TRMT11: variants seen among roughly 807,000 people sequenced by gnomAD.
The protein encoded by TRMT11 is tRNA methyltransferase 11.
A neutral mutation model predicts 62.8 loss-of-function variants in TRMT11; 53 were observed. The ratio of observed to expected loss-of-function variants is 0.84; its 90% confidence interval spans 0.68 to 1.06. The LOEUF is 1.06. TRMT11 is among the 50% of genes least tolerant of loss of function. The probability of loss-of-function intolerance (pLI) is 0.00; values close to 1 mark genes in which losing one functional copy is unlikely to be tolerated. For missense variants in TRMT11, 556 were observed against 553.4 expected (o/e 1.00, Z -0.05); for synonymous variants, 188 against 190.3 (o/e 0.99, Z 0.10).
At chr6:126,101,394 A>G (rs1436917453) in intron 17 of TRMT11, among the ~76,000 whole-genome samples, 1 of 152,256 alleles carries the variant, frequency 6.6e-6, no homozygotes, top group African/African-American at 2.4e-5. Flanking sequence ...AAGACTATAT[A>G]TGTTACTTCA....
the TRMT11 span, among the ~76,000 whole-genome samples, chr6:126,269,670 G>C: frequency 6.6e-6 from 1 of 152,104 alleles, no homozygotes; most frequent in Admixed American, 6.5e-5. Flanking sequence ...ACAGGAAATT[G>C]GTTGAAAAAC....
the TRMT11 span, among the ~76,000 whole-genome samples, chr6:126,263,138 G>C: frequency 4.8e-4 from 73 of 152,024 alleles, no homozygotes; most frequent in South Asian, 9.6e-3. Flanking sequence ...ATTATGTTCA[G>C]CTCAGTTGCC....
At chr6:126,037,398 G>C (rs1234372286) in intron 12 of TRMT11, among the ~76,000 whole-genome samples, 1 of 151,782 alleles carries the variant, frequency 6.6e-6, no homozygotes, top group African/African-American at 2.4e-5. Context: ...CCTTTCATTT[G>C]GTATCTTTAG....
At chr6:126,149,718 G>A (rs1034789277) in intron 21 of TRMT11, among the ~76,000 whole-genome samples, 1 of 143,492 alleles carries the variant, frequency 7.0e-6, no homozygotes, top group South Asian at 2.2e-4. Context: ...TTTGAAGAGG[G>A]TATTGATTGC....
intron 7 of TRMT11, among the ~76,000 whole-genome samples, chr6:126,008,071 CA>C (rs1220987209): frequency 2.6e-5 from 4 of 151,692 alleles, no homozygotes; most frequent in Non-Finnish European, 5.9e-5. Context: ...AAGAAAGGAG[CA>C]AAATGTTTTT....
intron 17 of TRMT11, among the ~76,000 whole-genome samples, chr6:126,068,189 A>G (rs987469815): frequency 3.9e-5 from 6 of 152,186 alleles, no homozygotes; most frequent in African/African-American, 1.4e-4. Context: ...AGTTTTTAAA[A>G]AATATTCTGC....
At chr6:126,267,436 A>T in the TRMT11 span, among the ~76,000 whole-genome samples, 1 of 152,138 alleles carries the variant, frequency 6.6e-6, no homozygotes, top group African/African-American at 2.4e-5. Context: ...CTTCTAGTCA[A>T]TCTCTCATAG....
At chr6:126,043,190 C>T (rs868708306), downstream of TRMT11, among the ~76,000 whole-genome samples, 1 of 136,260 alleles carries the variant, frequency 7.3e-6, no homozygotes, top group African/African-American at 2.7e-5. Context: ...TCTCCTAATG[C>T]TATCCCTCCC....
intron 17 of TRMT11, among the ~76,000 whole-genome samples, chr6:126,053,883 G>A (rs1459993736): frequency 2.6e-5 from 4 of 152,200 alleles, no homozygotes; most frequent in African/African-American, 9.7e-5. Flanking sequence ...AGAAGTGGAA[G>A]TTGCGTGATC....
rs185450567 is a variant in TRMT11 at position 126,130,474 on chromosome 6, G to A, written c.*1823+14619G>A. 1.6e-4 allele frequency among the ~76,000 whole-genome samples: 24 copies of A among 152,196 alleles called. 1 individual carries two copies. The highest frequency in any genetic ancestry group is 1.2e-3 in the Admixed American group (19 of 15,262). ...TGCCAGCAGGCTGCCCAGCCAGAAC[G>A]GGAAGTCAGAATGTTCTTCTGCCTG... On this transcript the variant is annotated intron_variant and NMD_transcript_variant, in intron 21 of 22. Transcript: ENST00000648977.
intron 17 of TRMT11, among the ~76,000 whole-genome samples, chr6:126,083,256 T>G (rs1194217378): frequency 6.6e-6 from 1 of 152,122 alleles, no homozygotes; most frequent in Non-Finnish European, 1.5e-5. Context: ...CATCATTGAG[T>G]TTACCAACAG....
intron 21 of TRMT11, among the ~76,000 whole-genome samples, chr6:126,116,700 G>A (rs1473979939): frequency 6.6e-6 from 1 of 152,068 alleles, no homozygotes; most frequent in Non-Finnish European, 1.5e-5. Flanking sequence ...TTGGTCAGTA[G>A]TATTTTAACT....
chr6:126,020,155 T>C lies in TRMT11; in HGVS notation c.1140-1005T>C, dbSNP rs1199535963. On this transcript the variant is annotated intron_variant, in intron 11 of 12. Transcript: ENST00000334379. ...GATGCATTAAAACAGGTAGCTGAGA[T>C]TGTGGTCCTTTACATGAAAAACTAA... 3.3e-5 allele frequency among the ~76,000 whole-genome samples: 5 copies of C among 152,254 alleles called. No homozygotes were observed. In the East Asian group the frequency reaches 9.6e-4, roughly 29 times the overall value.
At chr6:126,227,564 C>G in the TRMT11 span, among the ~76,000 whole-genome samples, 1 of 152,184 alleles carries the variant, frequency 6.6e-6, no homozygotes. Context: ...GCCTAAAAAA[C>G]TGATAATGTT....
intron 9 of TRMT11, among the ~76,000 whole-genome samples, chr6:126,012,343 G>C (rs919386531): frequency 6.6e-6 from 1 of 151,866 alleles, no homozygotes; most frequent in African/African-American, 2.4e-5. Flanking sequence ...TATTTACTAA[G>C]AATAAAGATA....
At position 126,129,082 on chromosome 6, in the gene TRMT11, G is replaced by T. The variant is rs577362828; in HGVS notation, c.*1823+13227G>T. Among the ~76,000 whole-genome samples, 18 of 152,032 alleles carry T rather than the reference G, an allele frequency of 1.2e-4. No individual in the cohort carries two copies. The South Asian group carries it at 3.5e-3, about 30-fold the overall frequency. ...ATGTGGCCAAGCACCAAGCCTTTCTGGTCTTAGCTTTCTCATTTATAAAAT... is the reference window on the plus strand; with the variant it reads ...ATGTGGCCAAGCACCAAGCCTTTCTTGTCTTAGCTTTCTCATTTATAAAAT... On this transcript the variant is annotated intron_variant and NMD_transcript_variant, in intron 21 of 22. Coordinates refer to the TRMT11 transcript ENST00000648977.
chr6:126,020,774 A>G (rs1201305043), intron 11 of TRMT11, among the ~76,000 whole-genome samples: 1 of 152,214 alleles, frequency 6.6e-6, no homozygotes, highest in Non-Finnish European at 1.5e-5. Flanking sequence ...CACTTCGGGA[A>G]TTTATAAAAA....
chr6:126,085,386 A>G (rs1225557442), intron 17 of TRMT11, among the ~76,000 whole-genome samples: 1 of 152,160 alleles, frequency 6.6e-6, no homozygotes, highest in Non-Finnish European at 1.5e-5. Context: ...TAGGGAATGA[A>G]CCTATTCTAA....
chr6:126,062,672 C>A (rs1183186909), intron 17 of TRMT11, among the ~76,000 whole-genome samples: 1 of 149,962 alleles, frequency 6.7e-6, no homozygotes, highest in East Asian at 1.9e-4. Flanking sequence ...GGCTAATCCA[C>A]TTAATGACTG....
Sources: allele counts gnomAD v4.1 joint callset (sites outside exome capture counted in the v4.1 genomes callset), GRCh38; gene constraint gnomAD v4.1.1; transcripts MANE v1.5; gene names NCBI Gene and HGNC (gene_info 2026-07-23, HGNC 2026-07-21).